NRG1: variants seen among roughly 807,000 people sequenced by gnomAD.
NRG1 encodes the protein neuregulin 1, also known as pro-neuregulin-1, membrane-bound isoform.
Under a neutral mutation model 63.8 loss-of-function variants are expected in NRG1, and 18 were observed. The ratio of observed to expected loss-of-function variants is 0.28; its 90% confidence interval spans 0.19 to 0.42. The LOEUF (loss-of-function observed/expected upper bound fraction) is 0.42, where lower values mean the gene tolerates loss of function less well. Among genes scored for constraint, NRG1 ranks in the 10% least tolerant of loss-of-function variants. NRG1 has a pLI of 1.00. For synonymous variants in NRG1, 302 were observed against 301.3 expected (o/e 1.00, Z -0.02); for missense variants, 762 against 814.7 (o/e 0.94, Z 0.79).
At chr8:32,412,274 C>T (rs1474783524) in intron 1 of NRG1, among the ~76,000 whole-genome samples, 2 of 151,704 alleles carry the variant, frequency 1.3e-5, no homozygotes, top group Non-Finnish European at 2.9e-5. Flanking sequence ...CTCAGGCCTT[C>T]AGATTTAGAC....
At position 32,146,737 on chromosome 8, in the gene NRG1, A is replaced by T. The variant is rs555947259; in HGVS notation, c.38-449091A>T. On this transcript the variant is annotated intron_variant, in intron 1 of 10. Transcript: ENST00000519301. Reference sequence around the variant, plus strand: ...TGGAAATAATATTTTCTTTTTTTTTAAAAAAAGCAATTTTTTGTTGTAATT... The same window carrying T: ...TGGAAATAATATTTTCTTTTTTTTTTAAAAAAGCAATTTTTTGTTGTAATT... Among the ~76,000 whole-genome samples, 113 of 151,838 alleles carry T rather than the reference A, an allele frequency of 7.4e-4. No individual in the cohort carries two copies. The East Asian group carries it at 0.01, about 14-fold the overall frequency.
chr8:32,771,636 G>A (rs1422359640), downstream of NRG1, among the ~76,000 whole-genome samples: 1 of 146,080 alleles, frequency 6.8e-6, no homozygotes, highest in Non-Finnish European at 1.5e-5. Flanking sequence ...GAACAAAAAT[G>A]ATCTTAGATC....
chr8:31,776,310 C>T (rs1187696465), intron 1 of NRG1, among the ~76,000 whole-genome samples: 4 of 152,186 alleles, frequency 2.6e-5, no homozygotes, highest in South Asian at 4.1e-4. Context: ...GGGCTCTTGT[C>T]TGAAGCCTGA....
chr8:31,708,548 C>A (rs1811391965), intron 1 of NRG1, among the ~76,000 whole-genome samples: 2 of 149,982 alleles, frequency 1.3e-5, no homozygotes, highest in South Asian at 4.2e-4. Context: ...CGGGTTCACG[C>A]CATTCTCCTG....
chr8:31,654,518 C>A (rs923485873), intron 1 of NRG1, among the ~76,000 whole-genome samples: 1 of 152,184 alleles, frequency 6.6e-6, no homozygotes, highest in East Asian at 1.9e-4. Context: ...TCTTTGCCAT[C>A]GGCTGTTCGG....
chr8:32,399,248 C>A (rs1001956737), intron 1 of NRG1, among the ~76,000 whole-genome samples: 1 of 152,148 alleles, frequency 6.6e-6, no homozygotes, highest in Non-Finnish European at 1.5e-5. Flanking sequence ...TCTCAAACTT[C>A]TGATATAAGG....
intron 1 of NRG1, among the ~76,000 whole-genome samples, chr8:31,945,900 T>C (rs897254705): frequency 2.0e-5 from 3 of 152,224 alleles, no homozygotes; most frequent in African/African-American, 7.2e-5. Flanking sequence ...CATCTGCAGA[T>C]TTCATTAGCA....
chr8:31,782,677 A>G (rs1197512751), intron 1 of NRG1, among the ~76,000 whole-genome samples: 1 of 152,188 alleles, frequency 6.6e-6, no homozygotes, highest in Non-Finnish European at 1.5e-5. Flanking sequence ...AGAAAGAACG[A>G]TAGAGATCAG....
chr8:32,310,688 A>G (rs1484921587), intron 1 of NRG1, among the ~76,000 whole-genome samples: 1 of 152,212 alleles, frequency 6.6e-6, no homozygotes, highest in Non-Finnish European at 1.5e-5. Context: ...AATAAAAGTA[A>G]ATAATAATCA....
intron 1 of NRG1, among the ~76,000 whole-genome samples, chr8:31,976,446 T>C (rs1166220533): frequency 6.6e-6 from 1 of 152,158 alleles, no homozygotes; most frequent in Non-Finnish European, 1.5e-5. Flanking sequence ...CCTCAGCCCA[T>C]GACGCTCACT....
intron 1 of NRG1, among the ~76,000 whole-genome samples, chr8:31,818,901 C>T (rs934919041): frequency 6.6e-6 from 1 of 151,994 alleles, no homozygotes; most frequent in Non-Finnish European, 1.5e-5. Context: ...ACTAAAAATA[C>T]AAAAAAATAG....
At chr8:32,619,005 G>C (rs1163854578) in intron 5 of NRG1, among the ~76,000 whole-genome samples, 1 of 152,134 alleles carries the variant, frequency 6.6e-6, no homozygotes, top group African/African-American at 2.4e-5. Context: ...TTGAGCCCAA[G>C]AGTTTGAGGC....
chr8:32,202,467 C>T (rs533764591), intron 1 of NRG1, among the ~76,000 whole-genome samples: 2 of 152,184 alleles, frequency 1.3e-5, no homozygotes, highest in East Asian at 3.9e-4. Context: ...CTCTTTTAGC[C>T]CTGCCATCTG....
In NRG1 at chr8:31,640,716, G is replaced by C. The variant is rs752290395; in HGVS notation, c.37+1285G>C. The C allele has an allele frequency of 1.3e-6, 2 of 1,589,798 alleles. No homozygotes were observed. The highest frequency in any genetic ancestry group is 3.4e-5 in the Admixed American group (2 of 58,220). On this transcript the variant is annotated intron_variant, in intron 1 of 10. Transcript: ENST00000519301. This position sits in a 1 kb window ranked among gnomAD's most constrained non-coding sequence, Gnocchi z 6.3. ...TCAAGAAGGAGGTCAGCCGGGTGCT[G>C]TGCAAGCGGTGCGGTAAGTTCCTCG...
intron 1 of NRG1, among the ~76,000 whole-genome samples, chr8:32,524,710 A>C (rs994050137): frequency 6.6e-6 from 1 of 152,130 alleles, no homozygotes; most frequent in Admixed American, 6.5e-5. Context: ...GCGGATTTAA[A>C]ATGCTAGAAA....
intron 1 of NRG1, among the ~76,000 whole-genome samples, chr8:31,803,005 G>A (rs2131730202): frequency 6.6e-6 from 1 of 152,188 alleles, no homozygotes; most frequent in East Asian, 1.9e-4. Context: ...AGTTCTCCTG[G>A]CTTAGCATTC....
chr8:32,116,903 A>T (rs1013859157), intron 1 of NRG1, among the ~76,000 whole-genome samples: 1 of 150,900 alleles, frequency 6.6e-6, no homozygotes, highest in African/African-American at 2.4e-5. Flanking sequence ...AACCCTTGAG[A>T]AGCCGAGGTA....
intron 1 of NRG1, among the ~76,000 whole-genome samples, chr8:31,731,417 TACACACACACAC>T (rs139927733): frequency 2.0e-5 from 3 of 148,312 alleles, no homozygotes; most frequent in Non-Finnish European, 4.5e-5. Flanking sequence ...AATTATGTCA[TACACACACACAC>T]ACACACACAC....
intron 1 of NRG1, among the ~76,000 whole-genome samples, chr8:32,294,463 C>T (rs989588122): frequency 6.6e-6 from 1 of 152,092 alleles, no homozygotes; most frequent in African/African-American, 2.4e-5. Flanking sequence ...TTATCCACGC[C>T]TACCTTGTCC....
Sources: allele counts gnomAD v4.1 joint callset (sites outside exome capture counted in the v4.1 genomes callset), GRCh38; gene constraint gnomAD v4.1.1; non-coding constraint Gnocchi (gnomAD v3.1); transcripts MANE v1.5; gene names NCBI Gene and HGNC (gene_info 2026-07-23, HGNC 2026-07-21).